SLA: variants seen among roughly 807,000 people sequenced by gnomAD.
SLA encodes Src like adaptor, also known as src-like-adapter.
SLA carries 16 observed loss-of-function variants against 30.3 expected under a neutral mutation model. The observed-to-expected ratio is 0.53, with a 90% CI of 0.36 to 0.80. SLA has a LOEUF of 0.80. SLA is among the 30% of genes least tolerant of loss of function. The probability of loss-of-function intolerance (pLI) is 0.01; values close to 1 mark genes in which losing one functional copy is unlikely to be tolerated. For synonymous variants in SLA, 143 were observed against 137.8 expected (o/e 1.04, Z -0.26); for missense variants, 310 against 345.2 (o/e 0.90, Z 0.81).
chr8:133,052,355 G>A lies in SLA; in HGVS notation c.62-1440C>T, dbSNP rs1252881103. On this transcript the variant is annotated intron_variant, in intron 3 of 8. Transcript: ENST00000338087. ...GGGGAAGCTGAGTCCCTGACAATAA[G>A]CCATGTAAAAGCAAGAGTTTCTGGG... 2.6e-5 allele frequency among the ~76,000 whole-genome samples: 4 copies of A among 152,342 alleles called. No individual in the cohort carries two copies. The South Asian group carries it at 8.3e-4, about 32-fold the overall frequency.
At chr8:133,051,112 C>A (rs1178011427) in intron 3 of SLA, among the ~76,000 whole-genome samples, 197 bp from the exon 4 acceptor site, 1 of 152,146 alleles carries the variant, frequency 6.6e-6, no homozygotes, top group East Asian at 1.9e-4. Context: ...CCCTGAGGGT[C>A]AGGTGACATG....
Position 133,067,299 on chromosome 8 carries a change from C to T in SLA, c.-40-7099G>A, listed in dbSNP as rs73361263. 8.4e-3 allele frequency among the ~76,000 whole-genome samples: 1,278 copies of T among 152,192 alleles called. 23 individuals carry two copies. The highest frequency in any genetic ancestry group is 0.028 in the African/African-American group (1,181 of 41,528). On this transcript the variant is annotated intron_variant, in intron 2 of 8. Coordinates refer to ENST00000338087, the MANE Select transcript of SLA (RefSeq NM_001045556.3). The stretch of plus-strand genomic sequence containing the variant: ...GCAGGCCTGTTCTACCTGCTCCCAC[C>T]CCACCCCCATCTGCTTCTCCTTTCT...
chr8:133,071,307 G>A (rs933507587), intron 2 of SLA, among the ~76,000 whole-genome samples: 2 of 152,312 alleles, frequency 1.3e-5, no homozygotes, highest in Non-Finnish European at 2.9e-5. Context: ...ATAATGTGTC[G>A]GAGTTTGCCC....
chr8:133,077,229 A>G (rs1370950214), intron 1 of SLA, among the ~76,000 whole-genome samples: 2 of 152,198 alleles, frequency 1.3e-5, no homozygotes, highest in Non-Finnish European at 2.9e-5. Flanking sequence ...AATCAGCCCT[A>G]AAGATGTTCA....
intron 4 of SLA, chr8:133,050,483 G>T (rs746022869): frequency 3.8e-6 from 1 of 261,548 alleles, no homozygotes; most frequent in Non-Finnish European, 7.3e-6. Flanking sequence ...GACCCTGGGG[G>T]CTGCCTTCCC....
chr8:133,046,937 T>A (rs947178822), intron 6 of SLA, among the ~76,000 whole-genome samples: 3 of 152,232 alleles, frequency 2.0e-5, no homozygotes. Flanking sequence ...TAGTGTGTTT[T>A]CTCTTCTTTG....
intron 1 of SLA, among the ~76,000 whole-genome samples, chr8:133,083,743 A>C: frequency 6.6e-6 from 1 of 152,110 alleles, no homozygotes; most frequent in East Asian, 1.9e-4. Flanking sequence ...TTTGAAGAGG[A>C]TAATGTTGGA....
intron 2 of SLA, among the ~76,000 whole-genome samples, chr8:133,071,391 CT>C (rs1292446922): frequency 6.6e-6 from 1 of 152,210 alleles, no homozygotes; most frequent in Admixed American, 6.5e-5. Context: ...CTACCGTGTC[CT>C]TAGGCCTGAG....
intron 1 of SLA, among the ~76,000 whole-genome samples, chr8:133,091,665 T>C (rs949557338): frequency 1.1e-4 from 17 of 152,080 alleles, no homozygotes; most frequent in Admixed American, 9.8e-4. Context: ...TCTATGACTG[T>C]GCGTGTGTGT....
At chr8:133,059,998 A>G in intron 3 of SLA, 102 bp downstream of exon 3, 3 of 1,196,250 alleles carry the variant, frequency 2.5e-6, no homozygotes, top group South Asian at 3.3e-5. Flanking sequence ...TTCGGTACCC[A>G]TTGCCCCATT....
intron 1 of SLA, among the ~76,000 whole-genome samples, chr8:133,098,676 A>T (rs77438549): frequency 0.012 from 1,789 of 152,302 alleles, 37 homozygotes; most frequent in African/African-American, 0.041. Context: ...GAAAGGGCTG[A>T]TGGGGCTAGG....
At chr8:133,050,716 A>G in intron 4 of SLA, 100 bp downstream of exon 4, 1 of 784,170 alleles carries the variant, frequency 1.3e-6, no homozygotes, top group Non-Finnish European at 2.2e-6. Context: ...ACCAGGACTC[A>G]TGTGGAACTA....
chr8:133,058,304 G>A (rs1841833419), intron 3 of SLA, among the ~76,000 whole-genome samples: 1 of 152,158 alleles, frequency 6.6e-6, no homozygotes, highest in African/African-American at 2.4e-5. Flanking sequence ...TCACAAACGG[G>A]GTATGACCAG....
At position 133,038,456 on chromosome 8, in the gene SLA, C is replaced by T. The variant is rs373211338; in HGVS notation, c.*68G>A. ...CCAGGGATCAGGGAACCTCGCTTTT[C>T]GCAAGATCCCAGGCAATAGTTGGAA... On this transcript the variant is annotated 3_prime_UTR_variant, in exon 9 of 9. Coordinates refer to ENST00000338087, the MANE Select transcript of SLA (RefSeq NM_001045556.3). The T allele has an allele frequency of 1.2e-4, 159 of 1,300,448 alleles. 1 individual carries two copies. The South Asian group carries it at 1.4e-3, about 12-fold the overall frequency. 80.6% of individuals were successfully genotyped at this position (1,300,448 alleles called of 1,614,324 possible).
intron 5 of SLA, chr8:133,049,199 G>GGGTGCTTATTTTCTTATCTGTT: frequency 2.2e-6 from 1 of 455,316 alleles, no homozygotes; most frequent in Non-Finnish European, 4.4e-6. Flanking sequence ...GGGGAAAGCA[G>GGGTGCTTATTTTCTTATCTGTT]GGTGCTTATT....
chr8:133,096,088 C>A, intron 1 of SLA: 1 of 1,311,088 alleles, frequency 7.6e-7, no homozygotes, highest in South Asian at 1.2e-5. Flanking sequence ...GTCACTTTTT[C>A]TCAGTAGAGT....
At chr8:133,040,164 C>G (rs1837946106) in intron 7 of SLA, 34 bp from the exon 8 acceptor site, 12 of 1,564,564 alleles carry the variant, frequency 7.7e-6, no homozygotes, top group Non-Finnish European at 1.0e-5. Flanking sequence ...GTCAGGGACC[C>G]TGGGGACGCC....
chr8:133,094,075 C>T (rs1421084826), intron 1 of SLA, among the ~76,000 whole-genome samples: 2 of 152,160 alleles, frequency 1.3e-5, no homozygotes, highest in African/African-American at 4.8e-5. Context: ...TACGGGGAGC[C>T]CCATAGCGGA....
At chr8:133,043,485 T>C (rs949006161) in intron 7 of SLA, among the ~76,000 whole-genome samples, 1 of 152,252 alleles carries the variant, frequency 6.6e-6, no homozygotes, top group African/African-American at 2.4e-5. Context: ...TAATATGTGT[T>C]ATCATTTATT....
Sources: gnomAD v4.1 joint callset for allele counts (sites outside exome capture counted in the v4.1 genomes callset) on GRCh38, gnomAD v4.1.1 for gene constraint, MANE v1.5 for transcripts, NCBI Gene and HGNC (gene_info 2026-07-23, HGNC 2026-07-21) for gene names.